PRKN: variants seen among roughly 807,000 people sequenced by gnomAD.
PRKN encodes parkin RBR E3 ubiquitin protein ligase.
In PRKN, 56 loss-of-function variants were observed where a neutral mutation model predicts 59.5. That is an observed-to-expected ratio of 0.94 (90% CI 0.76 to 1.18). The LOEUF (loss-of-function observed/expected upper bound fraction) is 1.18. Among genes scored for constraint, PRKN ranks in the 50% most tolerant of loss-of-function variants. The pLI is 0.00. For missense variants in PRKN, 657 were observed against 596.4 expected (o/e 1.10, Z -1.06); for synonymous variants, 250 against 222.1 (o/e 1.13, Z -1.12).
chr6:161,532,282 T>C (rs1257029319), intron 9 of PRKN, among the ~76,000 whole-genome samples: 3 of 151,986 alleles, frequency 2.0e-5, no homozygotes, highest in African/African-American at 7.2e-5. Context: ...TGGATTAAAA[T>C]TAAAATTCGC....
chr6:161,538,221 T>C lies in PRKN; in HGVS notation c.1083+10633A>G, dbSNP rs1441778820. 2.6e-5 allele frequency among the ~76,000 whole-genome samples: 4 copies of C among 152,164 alleles called. No individual in the cohort carries two copies. Among genetic ancestry groups the C allele is most frequent in the Admixed American group, 2.6e-4 (4 of 15,260 alleles). On this transcript the variant is annotated intron_variant, in intron 9 of 11. Transcript: ENST00000366898. This position sits in a 1 kb window ranked among gnomAD's most constrained non-coding sequence, Gnocchi z 4.2. ...CTTATCTGCTTCTGACTGGGTTCCT[T>C]CTCACTTGTACACTTCTTCTGATCC...
intron 1 of PRKN, among the ~76,000 whole-genome samples, chr6:162,503,323 T>C (rs1793462559): frequency 1.3e-5 from 2 of 151,926 alleles, no homozygotes; most frequent in South Asian, 2.1e-4. Flanking sequence ...CCACTATGCC[T>C]GGCTAATTTT....
chr6:161,942,392 G>A (rs1222951185), intron 6 of PRKN, among the ~76,000 whole-genome samples: 7 of 152,076 alleles, frequency 4.6e-5, no homozygotes, highest in Admixed American at 1.3e-4. Context: ...TTAGCTGGGC[G>A]TGGTGGTGGA....
intron 9 of PRKN, among the ~76,000 whole-genome samples, chr6:161,441,009 C>A (rs902974670): frequency 6.6e-6 from 1 of 152,158 alleles, no homozygotes; most frequent in East Asian, 1.9e-4. Flanking sequence ...ATTTTCCTAA[C>A]AAAAATGTTC....
chr6:161,408,655 G>T (rs1427172774), intron 9 of PRKN, among the ~76,000 whole-genome samples: 1 of 152,042 alleles, frequency 6.6e-6, no homozygotes, highest in East Asian at 1.9e-4. Context: ...TGTGTGGAAT[G>T]CAAGTAGGAT....
chr6:162,119,068 G>A (rs1324194199), intron 4 of PRKN, among the ~76,000 whole-genome samples: 1 of 152,190 alleles, frequency 6.6e-6, no homozygotes, highest in Non-Finnish European at 1.5e-5. Flanking sequence ...TAGTAAGTGA[G>A]GGTGAATTTC....
At chr6:162,214,987 C>T (rs994547732) in intron 3 of PRKN, among the ~76,000 whole-genome samples, 2 of 152,132 alleles carry the variant, frequency 1.3e-5, no homozygotes, top group African/African-American at 4.8e-5. Context: ...TTTATCCCTG[C>T]TAACAGCATC....
In PRKN at chr6:162,111,446, C is replaced by T. The variant is rs555058799; in HGVS notation, c.535-57272G>A. ...CACCACTGTGCTCCAGCCTGGGCAA[C>T]AGAGTGAGACTCTGTCTAAAAAAAA... On this transcript the variant is annotated intron_variant, in intron 4 of 11. Transcript: ENST00000366898. 3.3e-5 allele frequency among the ~76,000 whole-genome samples: 5 copies of T among 150,688 alleles called. No homozygotes were observed. The South Asian group carries it at 8.4e-4, about 25-fold the overall frequency.
At chr6:162,556,342 G>GGTGTGTGTGTGTGTGTGTGT (rs202002846) in intron 1 of PRKN, among the ~76,000 whole-genome samples, 4 of 57,300 alleles carry the variant, frequency 7.0e-5, no homozygotes, top group East Asian at 7.4e-4. Flanking sequence ...CTACTCAGCT[G>GGTGTGTGTGTGTGTGTGTGT]GTGTGTGTGT....
At chr6:162,391,452 G>C (rs1422627266) in intron 2 of PRKN, among the ~76,000 whole-genome samples, 2 of 150,340 alleles carry the variant, frequency 1.3e-5, no homozygotes, top group Non-Finnish European at 3.0e-5. Context: ...GCGCATGCTT[G>C]ACGTGGATTT....
At chr6:162,137,381 C>CAAATGTCTGT (rs1781595920) in intron 4 of PRKN, among the ~76,000 whole-genome samples, 1 of 152,140 alleles carries the variant, frequency 6.6e-6, no homozygotes, top group African/African-American at 2.4e-5. Flanking sequence ...GTAGAGATTA[C>CAAATGTCTGT]AGGAAGCAGG....
At chr6:161,610,231 G>A (rs1186402342) in intron 7 of PRKN, among the ~76,000 whole-genome samples, 1 of 152,060 alleles carries the variant, frequency 6.6e-6, no homozygotes, top group Non-Finnish European at 1.5e-5. Flanking sequence ...ATGGGAGCTG[G>A]CCTGTGGTGG....
chr6:162,206,440 T>A (rs938681845), intron 3 of PRKN, among the ~76,000 whole-genome samples: 1 of 152,188 alleles, frequency 6.6e-6, no homozygotes, highest in Admixed American at 6.5e-5. Context: ...CAAGCCTTTG[T>A]CCAAAGCCCC....
At chr6:162,698,977 C>T (rs1224270587) in intron 1 of PRKN, among the ~76,000 whole-genome samples, 1 of 152,108 alleles carries the variant, frequency 6.6e-6, no homozygotes, top group Non-Finnish European at 1.5e-5. Flanking sequence ...TTCTGAAGAG[C>T]TCTTCATTTC....
intron 2 of PRKN, among the ~76,000 whole-genome samples, chr6:162,412,087 T>C (rs939987088): frequency 1.3e-5 from 2 of 152,160 alleles, no homozygotes; most frequent in Non-Finnish European, 2.9e-5. Flanking sequence ...AATGAGATCT[T>C]AATTTACTTA....
intron 5 of PRKN, among the ~76,000 whole-genome samples, chr6:162,041,410 CA>C (rs1448079896): frequency 6.6e-6 from 1 of 152,186 alleles, no homozygotes; most frequent in East Asian, 1.9e-4. Flanking sequence ...TCTTTAGCCA[CA>C]AAGCACTATT....
intron 6 of PRKN, among the ~76,000 whole-genome samples, chr6:161,791,496 C>T (rs1790637565): frequency 6.6e-6 from 1 of 152,232 alleles, no homozygotes; most frequent in South Asian, 2.1e-4. Flanking sequence ...CCTTCACACA[C>T]TCTCTGGCAA....
intron 1 of PRKN, among the ~76,000 whole-genome samples, chr6:162,612,158 A>C (rs796129903): frequency 9.4e-5 from 13 of 138,680 alleles, no homozygotes; most frequent in African/African-American, 3.0e-4. Flanking sequence ...GCGCCACTGC[A>C]CTCCAGCCTC....
In PRKN at chr6:161,845,206, C is replaced by G. The variant is rs187264971; in HGVS notation, c.735-59298G>C. Among the ~76,000 whole-genome samples, 8 of 152,294 alleles carry G rather than the reference C, an allele frequency of 5.3e-5. No homozygotes were observed. The East Asian group carries it at 1.4e-3, about 26-fold the overall frequency. ...GACCAAACAACTAATTCTCTGAGAC[C>G]CTGGGCCACCAGTAGATGCCCAGGA... is the stretch of plus-strand genomic sequence containing the variant. On this transcript the variant is annotated intron_variant, in intron 6 of 11. Transcript: ENST00000366898.
Sources: gnomAD v4.1 joint callset for allele counts (sites outside exome capture counted in the v4.1 genomes callset) on GRCh38, gnomAD v4.1.1 for gene constraint, Gnocchi (gnomAD v3.1) non-coding constraint, MANE v1.5 for transcripts, NCBI Gene and HGNC (gene_info 2026-07-23, HGNC 2026-07-21) for gene names.